The following SVOPL variants were observed in gnomAD, a reference collection of about 807,000 sequenced individuals.
SVOPL encodes the protein SVOP like.
Under a neutral mutation model 61.0 loss-of-function variants are expected in SVOPL, and 60 were observed. The observed-to-expected ratio is 0.98, with a 90% CI of 0.80 to 1.22. The LOEUF (loss-of-function observed/expected upper bound fraction) is 1.22, where lower values mean the gene tolerates loss of function less well. Ranked by LOEUF, SVOPL falls within the 50% of genes most tolerant of loss-of-function variation. SVOPL has a pLI of 0.00. For missense variants in SVOPL, 662 were observed against 643.9 expected (o/e 1.03, Z -0.30); for synonymous variants, 279 against 250.0 (o/e 1.12, Z -1.09).
At chr7:138,638,856 ACT>A (rs1015850315) in intron 9 of SVOPL, among the ~76,000 whole-genome samples, 2 of 152,198 alleles carry the variant, frequency 1.3e-5, no homozygotes, top group African/African-American at 4.8e-5. Context: ...GGAAAGGCAA[ACT>A]CAATCTAATA....
chr7:138,697,720 G>A (rs996382588), intron 1 of SVOPL, among the ~76,000 whole-genome samples: 6 of 145,800 alleles, frequency 4.1e-5, no homozygotes, highest in African/African-American at 7.5e-5. Flanking sequence ...AGAAGAGGAA[G>A]AGGAAGAGGA....
chr7:138,656,911 G>A (rs146448711), intron 6 of SVOPL, among the ~76,000 whole-genome samples: 2,075 of 151,714 alleles, frequency 0.014, 39 homozygotes, highest in African/African-American at 0.046. Flanking sequence ...GTGTGGTGGC[G>A]CATGCCTGTA....
chr7:138,674,652 C>G (rs190455624), intron 3 of SVOPL, among the ~76,000 whole-genome samples: 1 of 151,468 alleles, frequency 6.6e-6, no homozygotes, highest in Non-Finnish European at 1.5e-5. Flanking sequence ...GTCAGGAGAT[C>G]GAGACCATCC....
rs562966907 is a variant in SVOPL at position 138,659,650 on chromosome 7, C to T, written c.470+214G>A. On this transcript the variant is annotated intron_variant, in intron 6 of 15. Transcript: ENST00000674285. ...TAAAATATATAAAACAAGCTATACC[C>T]CAACTACCTTGGGCACATGTCCTCA... Among the ~76,000 whole-genome samples, 4 of 152,148 alleles carry T rather than the reference C, an allele frequency of 2.6e-5. No individual in the cohort carries two copies. In the South Asian group the frequency reaches 8.3e-4, roughly 32 times the overall value.
intron 14 of SVOPL, among the ~76,000 whole-genome samples, chr7:138,601,734 A>C (rs1798533785): frequency 6.6e-6 from 1 of 151,904 alleles, no homozygotes; most frequent in Non-Finnish European, 1.5e-5. Flanking sequence ...TTTTAAATGT[A>C]CACTCTTTGG....
chr7:138,678,935 T>G, intron 2 of SVOPL, 29 bp downstream of exon 2: 18 of 1,544,202 alleles, frequency 1.2e-5, no homozygotes, highest in African/African-American at 2.7e-5. Context: ...AGCAGCAGGT[T>G]GAGCTGGAGA....
chr7:138,688,948 C>T (rs1022416113), intron 1 of SVOPL: 28 of 561,066 alleles, frequency 5.0e-5, no homozygotes, highest in Non-Finnish European at 9.3e-5. Flanking sequence ...AGCTCTTCCT[C>T]TTTCCCTAAG....
intron 12 of SVOPL, among the ~76,000 whole-genome samples, chr7:138,626,792 G>A (rs553353796): frequency 6.6e-6 from 1 of 151,980 alleles, no homozygotes; most frequent in Non-Finnish European, 1.5e-5. Context: ...GCTGCAGTGA[G>A]CTGAGATCGC....
chr7:138,665,917 G>A (rs1802244340), intron 4 of SVOPL, among the ~76,000 whole-genome samples: 1 of 152,168 alleles, frequency 6.6e-6, no homozygotes, highest in Admixed American at 6.5e-5. Context: ...CTGTAATAAG[G>A]ACTCTGAAAA....
At chr7:138,681,915 G>T (rs965939316) in intron 1 of SVOPL, among the ~76,000 whole-genome samples, 12 of 152,124 alleles carry the variant, frequency 7.9e-5, no homozygotes, top group South Asian at 6.2e-4. Flanking sequence ...GCCAAGAATT[G>T]AAACACATTG....
Position 138,663,129 on chromosome 7 carries a change from T to G in SVOPL, c.290A>C (p.Tyr97Ser), listed in dbSNP as rs750713533. 17 of 1,613,890 alleles carry G rather than the reference T, an allele frequency of 1.1e-5. No homozygotes were observed. Among genetic ancestry groups the G allele is most frequent in the Non-Finnish European group, 1.4e-5 (16 of 1,180,014 alleles). ...ALVTTMVFFGYMVFSILFGLL... is the reference protein window; with the variant it reads ...ALVTTMVFFGSMVFSILFGLL... ...GCCAAAGAGGATACTGAAAACCATGTAGCCAAAAAACACCATCTGCAAGTG... is the reference window on the plus strand; with the variant it reads ...GCCAAAGAGGATACTGAAAACCATGGAGCCAAAAAACACCATCTGCAAGTG... The change falls in exon 5 of 16, where the codon TAC (tyrosine) becomes TCC (serine). Residue 97 changes from tyrosine (Y) to serine (S), a missense_variant. Transcript: ENST00000674285.
intron 9 of SVOPL, among the ~76,000 whole-genome samples, chr7:138,637,475 G>T (rs183968877): frequency 0.019 from 268 of 13,954 alleles, 2 homozygotes; most frequent in South Asian, 0.11. Flanking sequence ...TATAGATATA[G>T]ATATAGATAT....
At chr7:138,610,351 CTTT>C (rs202142801) in intron 14 of SVOPL, among the ~76,000 whole-genome samples, 2 of 145,916 alleles carry the variant, frequency 1.4e-5, no homozygotes, top group Non-Finnish European at 3.0e-5. Context: ...AATTTATACT[CTTT>C]TTTTTTTTAT....
At chr7:138,634,301 T>C (rs1469504168) in intron 9 of SVOPL, among the ~76,000 whole-genome samples, 2 of 151,648 alleles carry the variant, frequency 1.3e-5, no homozygotes, top group Non-Finnish European at 1.5e-5. Context: ...GAGGCCAGGA[T>C]TTGAGACCAG....
chr7:138,700,994 A>G (rs891489233), intron 1 of SVOPL, among the ~76,000 whole-genome samples, 184 bp downstream of exon 1: 34 of 152,082 alleles, frequency 2.2e-4, no homozygotes, highest in Non-Finnish European at 2.6e-4. Context: ...TAATTGGGCC[A>G]CAGTAGATCT....
At chr7:138,678,317 G>A in intron 3 of SVOPL, 117 bp downstream of exon 3, 1 of 1,080,138 alleles carries the variant, frequency 9.3e-7, no homozygotes, top group Non-Finnish European at 1.3e-6. Context: ...CACGTTCTCA[G>A]GACCTCCTGA....
rs1054465850 is a variant in SVOPL, at chr7:138,621,150, A to T, written c.1264-15T>A. ...GTGGGGTAGACCTGCAGGGAGAGGC[A>T]CGGAAAGTACCAGTCAGATAATGTC... On this transcript the variant is annotated splice_polypyrimidine_tract_variant and intron_variant, in intron 13 of 15. Coordinates refer to ENST00000674285, the MANE Select transcript of SVOPL (RefSeq NM_001139456.2). The T allele has an allele frequency of 6.2e-7, 1 of 1,609,510 alleles. No individual in the cohort carries two copies. Among genetic ancestry groups the T allele is most frequent in the Non-Finnish European group, 8.5e-7 (1 of 1,177,820 alleles).
At chr7:138,677,095 G>A (rs553149256) in intron 3 of SVOPL, among the ~76,000 whole-genome samples, 77 of 151,980 alleles carry the variant, frequency 5.1e-4, no homozygotes, top group Middle Eastern at 3.4e-3. Context: ...TATTAGATAC[G>A]GGGTTTCACC....
chr7:138,654,686 A>G (rs1801622811), intron 7 of SVOPL, among the ~76,000 whole-genome samples: 1 of 151,734 alleles, frequency 6.6e-6, no homozygotes, highest in African/African-American at 2.4e-5. Flanking sequence ...TACTTCTCGG[A>G]AAAAAAGGTT....
Sources: allele counts gnomAD v4.1 joint callset (sites outside exome capture counted in the v4.1 genomes callset), GRCh38; gene constraint gnomAD v4.1.1; transcripts MANE v1.5; gene names NCBI Gene and HGNC (gene_info 2026-07-23, HGNC 2026-07-21).